Variants in PLEKHJ1 observed in about 807,000 individuals in gnomAD.
The protein encoded by PLEKHJ1 is pleckstrin homology domain-containing family J member 1.
PLEKHJ1 carries 20 observed loss-of-function variants against 21.7 expected under a neutral mutation model. The observed-to-expected ratio is 0.92, with a 90% confidence interval of 0.65 to 1.34. PLEKHJ1 has a LOEUF of 1.34. Ranked by LOEUF, PLEKHJ1 falls within the 40% of genes most tolerant of loss-of-function variation. PLEKHJ1 has a pLI of 0.00. For synonymous variants in PLEKHJ1, 113 were observed against 80.6 expected, an observed-to-expected ratio of 1.40 and a Z score of -2.15; for missense variants, 241 against 202.0, an observed-to-expected ratio of 1.19 and a Z score of -1.17.
intron 3 of PLEKHJ1, chr19:2,234,492 C>A: frequency 2.2e-6 from 1 of 460,678 alleles, no homozygotes. Context: ...GGGAGGATTG[C>A]TTGAGCTCAG....
downstream of PLEKHJ1, chr19:2,230,821 C>T (rs183086024): frequency 3.7e-4 from 139 of 373,608 alleles, no homozygotes; most frequent in Middle Eastern, 8.7e-3. Context: ...CCCTCAGTTG[C>T]AGCTCCCAGC....
rs768624673 is a variant in PLEKHJ1 at position 2,236,009 on chromosome 19, C to T, written c.95-19G>A. 6.3e-7 allele frequency: 1 copy of T among 1,597,486 alleles called. No homozygotes were observed. On this transcript the variant is annotated intron_variant, in intron 1 of 5. Coordinates refer to ENST00000326631, the MANE Select transcript of PLEKHJ1 (RefSeq NM_018049.3). ...TTCAGCACTGCGGGCACAGCGCGCACTCAGGGGCGCAGGCAGCCCCCGCCC... is the reference window on the plus strand; with the variant it reads ...TTCAGCACTGCGGGCACAGCGCGCATTCAGGGGCGCAGGCAGCCCCCGCCC...
downstream of PLEKHJ1, among the ~76,000 whole-genome samples, chr19:2,232,891 G>A (rs1056421289): frequency 1.3e-5 from 2 of 152,214 alleles, no homozygotes; most frequent in South Asian, 2.1e-4. Flanking sequence ...ACCAAAGCCC[G>A]CCCAGGCCCC....
At chr19:2,234,479 G>A (rs2024728882) in intron 3 of PLEKHJ1, 2 of 484,490 alleles carry the variant, frequency 4.1e-6, no homozygotes, top group African/African-American at 1.9e-5. Context: ...GAGAGGCCAA[G>A]GTGGGAGGAT....
chr19:2,233,793 G>C lies in PLEKHJ1; in HGVS notation c.*47C>G, dbSNP rs2024691046. 1 of 1,526,944 alleles carries C rather than the reference G, an allele frequency of 6.5e-7. No individual in the cohort carries two copies. Among genetic ancestry groups the C allele is most frequent in the African/African-American group, 1.4e-5 (1 of 72,732 alleles). 94.6% of individuals were successfully genotyped at this position (1,526,944 alleles called of 1,614,324 possible). ...GCATGGCCAAGCGATTCATGGCTGG[G>C]CAGGGCCAGTCCCGTCCCGCTGCAC... On this transcript the variant is annotated 3_prime_UTR_variant, in exon 6 of 6. Coordinates refer to ENST00000326631, the MANE Select transcript of PLEKHJ1 (RefSeq NM_018049.3).
downstream of PLEKHJ1, chr19:2,231,875 T>G (rs901350397): frequency 2.3e-5 from 5 of 219,870 alleles, no homozygotes; most frequent in Admixed American, 2.9e-4. Context: ...CCACCGTATG[T>G]TCAGGACACG....
Position 2,236,251 on chromosome 19 carries a change from C to A in PLEKHJ1, c.-3G>T. ...AGCTCCTTCTCGTTGTACCGCATGG[C>A]TCCGCGGGGAACGGGAACCCGGGCC... On this transcript the variant is annotated 5_prime_UTR_variant, in exon 1 of 6. Transcript: ENST00000326631. The A allele has an allele frequency of 7.2e-7, 1 of 1,392,842 alleles. No individual in the cohort carries two copies. The highest frequency in any genetic ancestry group is 1.6e-5 in the South Asian group (1 of 63,248). The allele number at this position is 1,392,842 out of a possible 1,614,324, so 86.3% of individuals were successfully genotyped here.
rs1292472805 is a variant in PLEKHJ1, at chr19:2,236,143, G to C, written c.94+12C>G. 6.8e-7 allele frequency: 1 copy of C among 1,471,676 alleles called. No homozygotes were observed. Among genetic ancestry groups the C allele is most frequent in the Non-Finnish European group, 9.0e-7 (1 of 1,113,576 alleles). 91.2% of individuals were successfully genotyped at this position (1,471,676 alleles called of 1,614,324 possible). ...CCCCTGGCACTGTCTCGGTCTCCCG[G>C]GTCCCGCTCACCGCTGCCCTTCTTG... On this transcript the variant is annotated intron_variant, in intron 1 of 5. Coordinates refer to ENST00000326631, the MANE Select transcript of PLEKHJ1 (RefSeq NM_018049.3).
chr19:2,230,501 G>T (rs1314407800), downstream of PLEKHJ1: 3 of 398,926 alleles, frequency 7.5e-6, no homozygotes, highest in East Asian at 1.1e-4. Context: ...GTGCTGTGAG[G>T]ACGGCGCGGG....
At chr19:2,231,844 CA>C, downstream of PLEKHJ1, 1 of 219,578 alleles carries the variant, frequency 4.6e-6, no homozygotes, top group South Asian at 1.8e-4. Context: ...GATGGCCATG[CA>C]GGGCTCCTGC....
At position 2,235,837 on chromosome 19, in the gene PLEKHJ1, G is replaced by A. The variant is rs2024792445; in HGVS notation, c.163-9C>T. 2 of 1,561,218 alleles carry A rather than the reference G, an allele frequency of 1.3e-6. No homozygotes were observed. The highest frequency in any genetic ancestry group is 1.2e-5 in the South Asian group (1 of 85,606). On this transcript the variant is annotated splice_polypyrimidine_tract_variant and intron_variant, in intron 2 of 5. Transcript: ENST00000326631. ...AGCAGGGCTCCGACGGGCTGGAGGAGACACGGGCGCCGGGACGGGGCAGTG... is the reference window on the plus strand; with the variant it reads ...AGCAGGGCTCCGACGGGCTGGAGGAAACACGGGCGCCGGGACGGGGCAGTG...
chr19:2,235,433 G>A (rs2024769049), intron 3 of PLEKHJ1: 1 of 383,338 alleles, frequency 2.6e-6, no homozygotes, highest in African/African-American at 2.1e-5. Context: ...ATATAACAAT[G>A]CTAGACCCAT....
chr19:2,235,056 C>T (rs1403775250), intron 3 of PLEKHJ1: 3 of 151,920 alleles, frequency 2.0e-5, no homozygotes. Flanking sequence ...CAGGGTGGGC[C>T]CTAAATTCTG....
At chr19:2,235,732 A>G (rs2144997605) in intron 3 of PLEKHJ1, 30 bp downstream of exon 3, 2 of 1,538,586 alleles carry the variant, frequency 1.3e-6, no homozygotes, top group Non-Finnish European at 1.8e-6. Context: ...GGCTGCGGGA[A>G]GCGCCGCTGG....
chr19:2,235,873 C>T, intron 2 of PLEKHJ1, 45 bp from the exon 3 acceptor site: 1 of 1,587,324 alleles, frequency 6.3e-7, no homozygotes, highest in Non-Finnish European at 8.6e-7. Context: ...AGCACCCGGC[C>T]TCCGAGGGGC....
chr19:2,235,729 G>A (rs557654593), intron 3 of PLEKHJ1, 33 bp downstream of exon 3: 113 of 1,537,748 alleles, frequency 7.3e-5, no homozygotes, highest in Non-Finnish European at 9.5e-5. Context: ...CCGGGCTGCG[G>A]GAAGCGCCGC....
intron 2 of PLEKHJ1, 40 bp from the exon 3 acceptor site, chr19:2,235,868 C>T: frequency 6.3e-7 from 1 of 1,582,782 alleles, no homozygotes; most frequent in Non-Finnish European, 8.6e-7. Context: ...CAGTGAGCAC[C>T]CGGCCTCCGA....
intron 3 of PLEKHJ1, chr19:2,234,550 AAAAC>A (rs773814375): frequency 1.6e-5 from 5 of 322,368 alleles, no homozygotes; most frequent in Non-Finnish European, 2.3e-5. Flanking sequence ...CATCTCTACA[AAAAC>A]AAAAATTAGC....
chr19:2,234,995 G>A (rs1568384967), intron 3 of PLEKHJ1: 2 of 152,168 alleles, frequency 1.3e-5, no homozygotes, highest in Non-Finnish European at 2.9e-5. Context: ...CCAAGACCCT[G>A]TCTCAAAAAA....
Sources: allele counts gnomAD v4.1 joint callset (sites outside exome capture counted in the v4.1 genomes callset), GRCh38; gene constraint gnomAD v4.1.1; transcripts MANE v1.5; gene names NCBI Gene and HGNC (gene_info 2026-07-23, HGNC 2026-07-21).